SLC44A5: variants seen among roughly 807,000 people sequenced by gnomAD.
SLC44A5 encodes choline transporter-like protein 5.
In SLC44A5, 57 loss-of-function variants were observed where a neutral mutation model predicts 101.8. That is an observed-to-expected ratio of 0.56 (90% confidence interval 0.45 to 0.70). The LOEUF is 0.70. Among genes scored for constraint, SLC44A5 ranks in the 30% least tolerant of loss-of-function variants. The probability of loss-of-function intolerance (pLI) is 0.00; values close to 1 mark genes in which losing one functional copy is unlikely to be tolerated. For synonymous variants in SLC44A5, 281 were observed against 290.9 expected (o/e 0.97, Z 0.35); for missense variants, 737 against 853.1 (o/e 0.86, Z 1.70).
At chr1:75,622,490 C>T in the SLC44A5 span, among the ~76,000 whole-genome samples, 2 of 151,964 alleles carry the variant, frequency 1.3e-5, no homozygotes. Context: ...TTCAACTCCA[C>T]AGAAACCCCC....
At chr1:75,528,626 C>A (rs1312602856) in intron 2 of SLC44A5, among the ~76,000 whole-genome samples, 1 of 152,152 alleles carries the variant, frequency 6.6e-6, no homozygotes, top group East Asian at 1.9e-4. Context: ...CAGAATGCAG[C>A]CAGAGTCCTT....
chr1:75,390,451 A>T (rs1260713885), intron 3 of SLC44A5, among the ~76,000 whole-genome samples: 4 of 151,962 alleles, frequency 2.6e-5, no homozygotes, highest in Non-Finnish European at 5.9e-5. Context: ...CCAGCAGCAC[A>T]TCAATAAGCT....
At chr1:75,375,067 C>T (rs538470115) in intron 3 of SLC44A5, among the ~76,000 whole-genome samples, 1 of 152,220 alleles carries the variant, frequency 6.6e-6, no homozygotes, top group East Asian at 1.9e-4. Context: ...CAAGAAAGCT[C>T]AACGAGATTC....
At chr1:75,527,243 TGAGAGAGAAGGAAA>T (rs1670463657) in intron 2 of SLC44A5, among the ~76,000 whole-genome samples, 1 of 115,836 alleles carries the variant, frequency 8.6e-6, no homozygotes, top group Non-Finnish European at 1.8e-5. Context: ...AGAGAAAAAG[TGAGAGAGAAGGAAA>T]GAGAGAGAAA....
chr1:75,427,132 G>GAT (rs1168950037), intron 2 of SLC44A5, among the ~76,000 whole-genome samples: 1 of 152,116 alleles, frequency 6.6e-6, no homozygotes, highest in Admixed American at 6.5e-5. Context: ...ACCTTGACTT[G>GAT]ATGCATGAGG....
At chr1:75,326,944 T>C (rs1325251434) in intron 4 of SLC44A5, among the ~76,000 whole-genome samples, 1 of 152,104 alleles carries the variant, frequency 6.6e-6, no homozygotes, top group African/African-American at 2.4e-5. Context: ...AAAATGCTAA[T>C]ACATATTACA....
chr1:75,424,118 G>T (rs1409060836), intron 2 of SLC44A5, among the ~76,000 whole-genome samples: 15 of 152,140 alleles, frequency 9.9e-5, no homozygotes, highest in Admixed American at 9.8e-4. Flanking sequence ...ATTAATTTGT[G>T]CTCAGCCTGC....
At chr1:75,399,491 C>T (rs1002033680) in intron 2 of SLC44A5, among the ~76,000 whole-genome samples, 18 of 152,156 alleles carry the variant, frequency 1.2e-4, no homozygotes, top group Non-Finnish European at 7.3e-5. Context: ...TCAGAAGAGA[C>T]TTCAGGGACA....
intron 3 of SLC44A5, among the ~76,000 whole-genome samples, chr1:75,363,489 A>G (rs996783228): frequency 1.3e-4 from 20 of 152,136 alleles, no homozygotes; most frequent in East Asian, 1.2e-3. Context: ...TGAAACTTAT[A>G]TAAAATATTT....
At chr1:75,459,676 A>C (rs564366002) in intron 2 of SLC44A5, among the ~76,000 whole-genome samples, 9 of 152,350 alleles carry the variant, frequency 5.9e-5, no homozygotes, top group African/African-American at 2.2e-4. Context: ...CTTTCCTTTG[A>C]AACCCAGAAT....
chr1:75,666,365 A>G, the SLC44A5 span, among the ~76,000 whole-genome samples: 2 of 152,306 alleles, frequency 1.3e-5, no homozygotes, highest in African/African-American at 4.8e-5. Flanking sequence ...ACACCCTCCC[A>G]AATTCAGGTA....
chr1:75,240,491 A>T (rs979497918), intron 9 of SLC44A5, among the ~76,000 whole-genome samples: 37 of 152,118 alleles, frequency 2.4e-4, no homozygotes, highest in Admixed American at 4.6e-4. Flanking sequence ...AAGGGCAGAG[A>T]CTATGTCTTA....
the SLC44A5 span, among the ~76,000 whole-genome samples, chr1:75,721,474 A>C: frequency 6.6e-6 from 1 of 152,346 alleles, no homozygotes; most frequent in South Asian, 2.1e-4. Context: ...AGCCCAAGAC[A>C]ATTCTTTTTC....
upstream of SLC44A5, among the ~76,000 whole-genome samples, chr1:75,611,417 G>C (rs991304930): frequency 2.0e-5 from 3 of 152,080 alleles, no homozygotes; most frequent in East Asian, 5.8e-4. Context: ...CAAATGCTTA[G>C]GGGAAAGAAA....
At chr1:75,607,009 C>T (rs1235853265) in intron 1 of SLC44A5, among the ~76,000 whole-genome samples, 1 of 152,008 alleles carries the variant, frequency 6.6e-6, no homozygotes, top group African/African-American at 2.4e-5. Context: ...TTAAATACCA[C>T]CAATGTTCTG....
At chr1:75,399,473 T>C (rs1437449417) in intron 2 of SLC44A5, among the ~76,000 whole-genome samples, 3 of 151,678 alleles carry the variant, frequency 2.0e-5, no homozygotes, top group Non-Finnish European at 2.9e-5. Flanking sequence ...AAAAGGGGAG[T>C]GTGCTAATCA....
At chr1:75,230,907 C>T (rs1487421641) in intron 12 of SLC44A5, among the ~76,000 whole-genome samples, 1 of 152,310 alleles carries the variant, frequency 6.6e-6, no homozygotes, top group Non-Finnish European at 1.5e-5. Context: ...TGAGCCACTG[C>T]AGCCAGCTAC....
chr1:75,678,616 C>A, the SLC44A5 span, among the ~76,000 whole-genome samples: 1 of 149,972 alleles, frequency 6.7e-6, no homozygotes, highest in South Asian at 2.1e-4. Context: ...ATCTGTACAT[C>A]ACCATCATCA....
the SLC44A5 span, among the ~76,000 whole-genome samples, chr1:75,670,986 G>A: frequency 6.6e-6 from 1 of 152,210 alleles, no homozygotes; most frequent in Non-Finnish European, 1.5e-5. Context: ...TTAGAAACAG[G>A]AAGCACTGCA....
Sources: allele counts gnomAD v4.1 joint callset (sites outside exome capture counted in the v4.1 genomes callset), GRCh38; gene constraint gnomAD v4.1.1; transcripts MANE v1.5; gene names NCBI Gene and HGNC (gene_info 2026-07-23, HGNC 2026-07-21).